CLDN14: variants seen among roughly 807,000 people sequenced by gnomAD.
CLDN14 encodes claudin-14.
In CLDN14, 2 loss-of-function variants were observed where a neutral mutation model predicts 2.1. That is an observed-to-expected ratio of 0.96 (90% CI 0.39 to 3.01). The LOEUF (loss-of-function observed/expected upper bound fraction) is 3.01. CLDN14 is among the 30% of genes most tolerant of loss of function. CLDN14 has a pLI of 0.09. For missense variants in CLDN14, 298 were observed against 328.0 expected (o/e 0.91, Z 0.71); for synonymous variants, 136 against 154.4 (o/e 0.88, Z 0.88).
At chr21:36,501,730 A>G (rs895989492) in intron 2 of CLDN14, among the ~76,000 whole-genome samples, 2 of 152,092 alleles carry the variant, frequency 1.3e-5, no homozygotes, top group African/African-American at 2.4e-5. Flanking sequence ...CTCTCTTTTC[A>G]GTAGCCTGGC....
At chr21:36,523,811 G>GAT (rs2087297739) in intron 1 of CLDN14, among the ~76,000 whole-genome samples, 1 of 133,812 alleles carries the variant, frequency 7.5e-6, no homozygotes, top group Non-Finnish European at 1.6e-5. Flanking sequence ...AAGAAAGAAA[G>GAT]AAAGAAAGAA....
chr21:36,556,202 T>G (rs1207820748), intron 1 of CLDN14, among the ~76,000 whole-genome samples: 1 of 152,230 alleles, frequency 6.6e-6, no homozygotes, highest in African/African-American at 2.4e-5. Context: ...TTGCTTCTCT[T>G]GGGTCCTCAA....
At chr21:36,541,127 G>C (rs1416206318) in intron 1 of CLDN14, among the ~76,000 whole-genome samples, 1 of 152,228 alleles carries the variant, frequency 6.6e-6, no homozygotes, top group Non-Finnish European at 1.5e-5. Context: ...ATTCCAGAGA[G>C]AGGACTTGAT....
At chr21:36,520,423 T>A (rs563955992) in intron 1 of CLDN14, among the ~76,000 whole-genome samples, 4 of 152,202 alleles carry the variant, frequency 2.6e-5, no homozygotes, top group Non-Finnish European at 5.9e-5. Flanking sequence ...GATAATTGAA[T>A]CATGGGGGTG....
chr21:36,525,482 T>C (rs2087318061), intron 1 of CLDN14, among the ~76,000 whole-genome samples: 1 of 151,440 alleles, frequency 6.6e-6, no homozygotes, highest in African/African-American at 2.4e-5. Flanking sequence ...AGAGAGGGGA[T>C]GATGATGGGG....
At chr21:36,545,402 G>A (rs1400531815) in intron 1 of CLDN14, among the ~76,000 whole-genome samples, 2 of 152,072 alleles carry the variant, frequency 1.3e-5, no homozygotes, top group Non-Finnish European at 2.9e-5. Context: ...CCTAGGCATC[G>A]GGAGTGAATG....
intron 1 of CLDN14, among the ~76,000 whole-genome samples, chr21:36,539,970 ATG>A (rs1363904663): frequency 6.7e-6 from 1 of 149,794 alleles, no homozygotes; most frequent in African/African-American, 2.5e-5. Context: ...TGGAGTATGT[ATG>A]TGTGTAGTAT....
At chr21:36,506,138 GA>G (rs2087130247) in intron 2 of CLDN14, among the ~76,000 whole-genome samples, 1 of 152,162 alleles carries the variant, frequency 6.6e-6, no homozygotes, top group Non-Finnish European at 1.5e-5. Flanking sequence ...TCCTTTATAA[GA>G]GATTAGTTAC....
At chr21:36,464,991 C>T (rs2086627153) in intron 1 of CLDN14, among the ~76,000 whole-genome samples, 1 of 152,210 alleles carries the variant, frequency 6.6e-6, no homozygotes, top group Admixed American at 6.5e-5. Flanking sequence ...GCCCCTTTTG[C>T]AGTGGTTTGG....
intron 1 of CLDN14, among the ~76,000 whole-genome samples, chr21:36,478,087 A>G (rs1289327483): frequency 6.6e-6 from 1 of 152,216 alleles, no homozygotes; most frequent in Admixed American, 6.5e-5. Flanking sequence ...AAAAACAATA[A>G]TGGACATATT....
chr21:36,575,839 G>T (rs2087737871), intron 1 of CLDN14, among the ~76,000 whole-genome samples: 1 of 152,176 alleles, frequency 6.6e-6, no homozygotes, highest in African/African-American at 2.4e-5. Flanking sequence ...AGCATCACCC[G>T]CCTTCCAGGG....
intron 1 of CLDN14, among the ~76,000 whole-genome samples, chr21:36,547,492 T>C (rs1019594854): frequency 6.6e-6 from 1 of 152,228 alleles, no homozygotes; most frequent in African/African-American, 2.4e-5. Flanking sequence ...CAGAGTACTG[T>C]GAGCCTGTCA....
chr21:36,472,544 C>T (rs529917730), intron 1 of CLDN14, among the ~76,000 whole-genome samples: 1 of 152,314 alleles, frequency 6.6e-6, no homozygotes, highest in African/African-American at 2.4e-5. Flanking sequence ...ACATTGAAAG[C>T]AGATTGCCCT....
chr21:36,538,486 C>A (rs2087450038), intron 1 of CLDN14, among the ~76,000 whole-genome samples: 1 of 152,118 alleles, frequency 6.6e-6, no homozygotes, highest in Admixed American at 6.5e-5. Context: ...TGGTGGCACA[C>A]ACCTTTAATC....
At chr21:36,512,194 G>A (rs2087192058) in intron 1 of CLDN14, among the ~76,000 whole-genome samples, 1 of 152,148 alleles carries the variant, frequency 6.6e-6, no homozygotes, top group South Asian at 2.1e-4. Flanking sequence ...AGAAGACATC[G>A]CCAAAGGAAC....
At chr21:36,563,373 C>T (rs370749) in intron 1 of CLDN14, among the ~76,000 whole-genome samples, 3,137 of 151,926 alleles carry the variant, frequency 0.021, 43 homozygotes, top group Non-Finnish European at 0.031. Flanking sequence ...GTTTCCTTAC[C>T]GTAGCGCTCT....
intron 1 of CLDN14, among the ~76,000 whole-genome samples, chr21:36,539,489 T>C (rs905607941): frequency 1.1e-5 from 1 of 87,128 alleles, no homozygotes; most frequent in African/African-American, 3.7e-5. Flanking sequence ...GGGGAATGTG[T>C]GTGTGTGCAG....
Position 36,499,537 on chromosome 21 carries a change from T to C in CLDN14, c.-82+10826A>G, listed in dbSNP as rs1210118361. Among the ~76,000 whole-genome samples, 1 of 152,150 alleles carries C rather than the reference T, an allele frequency of 6.6e-6. No individual in the cohort carries two copies. ...CTGTGTTTAGAGTCTCTAAAGTTGT[T>C]GCAGGGGGCTTGTTGCAATGTCCGT... is the stretch of plus-strand genomic sequence containing the variant. On this transcript the variant is annotated intron_variant, in intron 2 of 2. Coordinates refer to the CLDN14 transcript ENST00000342108. The surrounding 1 kb of genome is among the most constrained non-coding windows in gnomAD (Gnocchi z 4.7).
chr21:36,528,705 G>T (rs1002767623), intron 1 of CLDN14, among the ~76,000 whole-genome samples: 1 of 152,202 alleles, frequency 6.6e-6, no homozygotes, highest in African/African-American at 2.4e-5. Context: ...ACCCTGGGCC[G>T]CAGGCTGGCT....
Sources: gnomAD v4.1 joint callset for allele counts (sites outside exome capture counted in the v4.1 genomes callset) on GRCh38, gnomAD v4.1.1 for gene constraint, Gnocchi (gnomAD v3.1) non-coding constraint, MANE v1.5 for transcripts, NCBI Gene and HGNC (gene_info 2026-07-23, HGNC 2026-07-21) for gene names.